ZC3H8: variants seen among roughly 807,000 people sequenced by gnomAD.
The protein encoded by ZC3H8 is zinc finger CCCH domain-containing protein 8.
In ZC3H8, 27 loss-of-function variants were observed where a neutral mutation model predicts 42.5. The observed-to-expected ratio is 0.64, with a 90% CI of 0.47 to 0.88. ZC3H8 has a LOEUF of 0.88. Among genes scored for constraint, ZC3H8 ranks in the 40% least tolerant of loss-of-function variants. The probability of loss-of-function intolerance (pLI) is 0.00; values close to 1 mark genes in which losing one functional copy is unlikely to be tolerated. For synonymous variants in ZC3H8, 101 were observed against 110.1 expected, an observed-to-expected ratio of 0.92 and a Z score of 0.52; for missense variants, 277 against 336.1, an observed-to-expected ratio of 0.82 and a Z score of 1.37.
At chr2:112,254,826 G>A (rs1686069203) in intron 1 of ZC3H8, 82 bp downstream of exon 1, 1 of 1,489,518 alleles carries the variant, frequency 6.7e-7, no homozygotes, top group East Asian at 2.5e-5. Context: ...CGTGGCCCCG[G>A]ACTGCCTCCA....
At chr2:112,244,562 C>T (rs1452169861) in intron 2 of ZC3H8, among the ~76,000 whole-genome samples, 1 of 152,132 alleles carries the variant, frequency 6.6e-6, no homozygotes. Context: ...TCACAAATAA[C>T]ACATTTCTTT....
rs1685347731 is a variant in ZC3H8, at chr2:112,236,643, C to G, written c.423G>C (p.Gln141His). The G allele has an allele frequency of 6.2e-7, 1 of 1,613,854 alleles. No homozygotes were observed. Among genetic ancestry groups the G allele is most frequent in the Admixed American group, 1.7e-5 (1 of 60,002 alleles). Residue 141 changes from glutamine to histidine, a missense_variant, in exon 4 of 9, where the codon CAG becomes CAC. By Grantham distance (24) the Gln-to-His change is conservative. Coordinates refer to ENST00000409573, the MANE Select transcript of ZC3H8 (RefSeq NM_032494.3). Reference sequence around the variant, plus strand: ...CAGGCCATTTTCGCTTCATTTTCTTCTGTTTGCCATTCTTGTGACCAGCTT... The same window carrying G: ...CAGGCCATTTTCGCTTCATTTTCTTGTGTTTGCCATTCTTGTGACCAGCTT... Reference protein sequence around the residue: ...NLKAGHKNGKQKKMKRKWPGP... With the variant: ...NLKAGHKNGKHKKMKRKWPGP...
chr2:112,233,742 G>A (rs1167212669), intron 5 of ZC3H8, among the ~76,000 whole-genome samples: 2 of 152,018 alleles, frequency 1.3e-5, no homozygotes, highest in East Asian at 1.9e-4. Context: ...GGTGGCTAGC[G>A]TCTGTAGTCC....
At position 112,250,238 on chromosome 2, in the gene ZC3H8, T is replaced by C. The variant is rs1166837467; in HGVS notation, c.109A>G (p.Thr37Ala). The change falls in exon 2 of 9, where the codon ACA (threonine) becomes GCA (alanine). Residue 37 changes from threonine (T) to alanine (A), a missense_variant. Coordinates refer to ENST00000409573, the MANE Select transcript of ZC3H8 (RefSeq NM_032494.3). ...TCCAGTTTAATTTTCTCTTCTTGTG[T>C]TTCTTCAACTTCTGTATCTATTTCA... is the stretch of plus-strand genomic sequence containing the variant. ...DDEIDTEVEE[T>A]QEEKIKLECE... 3 of 1,564,038 alleles carry C rather than the reference T, an allele frequency of 1.9e-6. No homozygotes were observed. The highest frequency in any genetic ancestry group is 1.7e-4 in the Middle Eastern group (1 of 5,998).
At chr2:112,227,673 C>T (rs1684904061) in intron 8 of ZC3H8, among the ~76,000 whole-genome samples, 1 of 152,206 alleles carries the variant, frequency 6.6e-6, no homozygotes, top group South Asian at 2.1e-4. Flanking sequence ...TCTATTTCTA[C>T]ATACTACCAA....
In ZC3H8 at chr2:112,219,507, A is replaced by G. The variant is rs76376088; in HGVS notation, c.*16-3039T>C. On this transcript the variant is annotated intron_variant, in intron 8 of 8. Transcript: ENST00000409573. Reference sequence around the variant, plus strand: ...GAGGAAAACATAAGGGAAAGTCTTCACAACACTATTTACAACATTATTTAC... The same window carrying G: ...GAGGAAAACATAAGGGAAAGTCTTCGCAACACTATTTACAACATTATTTAC... 6.0e-3 allele frequency among the ~76,000 whole-genome samples: 914 copies of G among 152,322 alleles called. 5 individuals are homozygous for G. The highest frequency in any genetic ancestry group is 9.9e-3 in the Non-Finnish European group (671 of 68,010).
At chr2:112,222,439 A>T (rs1307496026) in intron 8 of ZC3H8, among the ~76,000 whole-genome samples, 1 of 152,174 alleles carries the variant, frequency 6.6e-6, no homozygotes, top group African/African-American at 2.4e-5. Flanking sequence ...CCAGGGCAAA[A>T]GGAGGCTGTG....
intron 8 of ZC3H8, among the ~76,000 whole-genome samples, chr2:112,225,054 T>C (rs916126289): frequency 5.9e-5 from 9 of 152,200 alleles, no homozygotes; most frequent in Admixed American, 5.9e-4. Flanking sequence ...CTGAATGAAA[T>C]TGTTTAAACT....
chr2:112,232,461 A>G (rs969786768), intron 6 of ZC3H8, among the ~76,000 whole-genome samples: 2 of 152,208 alleles, frequency 1.3e-5, no homozygotes, highest in African/African-American at 4.8e-5. Context: ...TGGCTATGAC[A>G]GGACATTTTT....
chr2:112,225,496 A>G (rs932889820), intron 8 of ZC3H8, among the ~76,000 whole-genome samples: 11 of 151,962 alleles, frequency 7.2e-5, no homozygotes, highest in Non-Finnish European at 1.5e-4. Flanking sequence ...GACTACAGTC[A>G]ACATATTCAT....
At chr2:112,218,935 T>G (rs1490806381) in intron 8 of ZC3H8, among the ~76,000 whole-genome samples, 1 of 152,156 alleles carries the variant, frequency 6.6e-6, no homozygotes, top group Non-Finnish European at 1.5e-5. Context: ...TATAAAACAC[T>G]GCTGAAAGAA....
intron 2 of ZC3H8, among the ~76,000 whole-genome samples, chr2:112,239,070 A>G (rs73954818): frequency 0.025 from 3,838 of 152,334 alleles, 164 homozygotes; most frequent in African/African-American, 0.087. Context: ...AATGATGACA[A>G]GGAATAAAGA....
At chr2:112,247,471 C>T (rs1490260835) in intron 2 of ZC3H8, among the ~76,000 whole-genome samples, 1 of 152,044 alleles carries the variant, frequency 6.6e-6, no homozygotes, top group Non-Finnish European at 1.5e-5. Context: ...CCCAACTACT[C>T]GGGAGGCTGA....
chr2:112,223,681 CCAAA>C (rs1431931268), intron 8 of ZC3H8, among the ~76,000 whole-genome samples: 2 of 151,284 alleles, frequency 1.3e-5, no homozygotes, highest in Non-Finnish European at 2.9e-5. Flanking sequence ...CAAAATAAGC[CCAAA>C]CAATGTAAAA....
At position 112,234,109 on chromosome 2, in the gene ZC3H8, C is replaced by T. The variant is rs1465338956; in HGVS notation, c.621+11G>A. 1.4e-6 allele frequency: 2 copies of T among 1,460,688 alleles called. No homozygotes were observed. The highest frequency in any genetic ancestry group is 1.4e-5 in the African/African-American group (1 of 69,884). The allele number at this position is 1,460,688 out of a possible 1,614,324, so 90.5% of individuals were successfully genotyped here. On this transcript the variant is annotated intron_variant, in intron 5 of 8. Transcript: ENST00000409573. ...ACATTTTAGTAGATTTTTGCTTACA[C>T]ATTTTTATACCTTAATACATTTCCT... is the stretch of plus-strand genomic sequence containing the variant.
chr2:112,226,737 A>G (rs75564090), intron 8 of ZC3H8, among the ~76,000 whole-genome samples: 2,608 of 152,244 alleles, frequency 0.017, 42 homozygotes, highest in Non-Finnish European at 0.024. Flanking sequence ...CCTTGATACG[A>G]AAGCCAGAAA....
intron 8 of ZC3H8, among the ~76,000 whole-genome samples, chr2:112,218,613 A>G (rs1339148391): frequency 6.6e-6 from 1 of 152,158 alleles, no homozygotes; most frequent in African/African-American, 2.4e-5. Flanking sequence ...GTATGAATCC[A>G]CTTATATATA....
At chr2:112,219,717 T>A (rs955089257) in intron 8 of ZC3H8, among the ~76,000 whole-genome samples, 3 of 152,090 alleles carry the variant, frequency 2.0e-5, no homozygotes, top group Non-Finnish European at 2.9e-5. Flanking sequence ...GAGTATGTGT[T>A]ATGTGCAGAT....
intron 1 of ZC3H8, among the ~76,000 whole-genome samples, chr2:112,253,561 A>T (rs1686028657): frequency 6.6e-6 from 1 of 152,274 alleles, no homozygotes; most frequent in Admixed American, 6.5e-5. Context: ...AAGAGATCCT[A>T]GAATGTGAAA....
Sources: gnomAD v4.1 joint callset for allele counts (sites outside exome capture counted in the v4.1 genomes callset) on GRCh38, gnomAD v4.1.1 for gene constraint, MANE v1.5 for transcripts, NCBI Gene and HGNC (gene_info 2026-07-23, HGNC 2026-07-21) for gene names.